Variants in OPN1SW observed in about 807,000 individuals in gnomAD.
OPN1SW encodes opsin 1, short wave sensitive, also known as short-wave-sensitive opsin 1.
A neutral mutation model predicts 31.9 loss-of-function variants in OPN1SW; 25 were observed. That is an observed-to-expected ratio of 0.78 (90% CI 0.57 to 1.09). The LOEUF (loss-of-function observed/expected upper bound fraction) is 1.09, where lower values mean the gene tolerates loss of function less well. OPN1SW is among the 50% of genes least tolerant of loss of function. The pLI is 0.00. For missense variants in OPN1SW, 424 were observed against 448.0 expected (o/e 0.95, Z 0.48); for synonymous variants, 190 against 171.9 (o/e 1.11, Z -0.82).
chr7:128,773,437 A>G (rs1047523811), intron 4 of OPN1SW, among the ~76,000 whole-genome samples: 1 of 152,120 alleles, frequency 6.6e-6, no homozygotes, highest in Non-Finnish European at 1.5e-5. Context: ...TCCTGACTCA[A>G]GTTCTTTCCT....
chr7:128,775,074 A>C lies in OPN1SW; in HGVS notation c.424T>G (p.Phe142Val), dbSNP rs1175041047. 6.2e-7 allele frequency: 1 copy of C among 1,614,246 alleles called. No individual in the cohort carries two copies. Among genetic ancestry groups the C allele is most frequent in the Non-Finnish European group, 8.5e-7 (1 of 1,180,048 alleles). Residue 142 changes from phenylalanine to valine, a missense_variant, in exon 2 of 5, where the codon TTC (phenylalanine) becomes GTC (valine). Phe to Val is a conservative substitution (Grantham distance 50, BLOSUM62 -1). Transcript: ENST00000249389. The stretch of plus-strand genomic sequence containing the variant: ...ACCGTCAGTGCATGCTTGGAGCTGA[A>C]GCGGAAGTTGCCGAAGGGCTTACAG... The part of the protein sequence containing the change: ...VICKPFGNFR[F>V]SSKHALTVVL...
Position 128,773,847 on chromosome 7 carries a change from A to G in OPN1SW, c.720T>C (p.Ala240=), listed in dbSNP as rs1287046056. The stretch of plus-strand genomic sequence containing the variant: ...CCACCATGCGGCTCACCTCCCGTTC[A>G]GCCTTCTGGGTCGTAGCTGACTCCT... The part of the protein sequence containing the change: ...QQQESATTQK[A]EREVSRMVVV... Residue 240 remains alanine, a synonymous_variant, in exon 4 of 5, where the codon GCT becomes GCC. Coordinates refer to ENST00000249389, the MANE Select transcript of OPN1SW (RefSeq NM_001385125.1). The G allele has an allele frequency of 6.2e-7, 1 of 1,613,220 alleles. No individual in the cohort carries two copies. Among genetic ancestry groups the G allele is most frequent in the Admixed American group, 1.7e-5 (1 of 59,994 alleles).
At chr7:128,773,086 T>C (rs1801656055) in intron 4 of OPN1SW, among the ~76,000 whole-genome samples, 1 of 152,226 alleles carries the variant, frequency 6.6e-6, no homozygotes. Flanking sequence ...GTTTGGTGTT[T>C]ATTAGCTCGG....
In OPN1SW at chr7:128,775,135, T is replaced by C; in HGVS notation, c.363A>G (p.Ser121=). The C allele has an allele frequency of 6.2e-7, 1 of 1,614,192 alleles. No homozygotes were observed. The highest frequency in any genetic ancestry group is 1.1e-5 in the South Asian group (1 of 91,082). ...AGCGCTCAAAGGCCAGGAAGGCCAGTGACCATCCTGTAACCAGACCTGTGG... is the reference window on the plus strand; with the variant it reads ...AGCGCTCAAAGGCCAGGAAGGCCAGCGACCATCCTGTAACCAGACCTGTGG... The part of the protein sequence containing the change: ...GTVAGLVTGW[S]LAFLAFERYI... Residue 121 remains serine (S), a synonymous_variant, in exon 2 of 5, where the codon TCA becomes TCG. Transcript: ENST00000249389.
rs770591659 is a variant in OPN1SW at position 128,775,169 on chromosome 7, G to A, written c.344-15C>T. 4 of 1,613,414 alleles carry A rather than the reference G, an allele frequency of 2.5e-6. No homozygotes were observed. In the Admixed American group the frequency reaches 5.0e-5, roughly 20 times the overall value. On this transcript the variant is annotated splice_polypyrimidine_tract_variant and intron_variant, in intron 1 of 4. Transcript: ENST00000249389. ...TGTAACCAGACCTGTGGTGAAATGT[G>A]AGGATAATGGGCTAGACAGAGCCCC...
chr7:128,773,326 G>T (rs911014417), intron 4 of OPN1SW, among the ~76,000 whole-genome samples: 1 of 152,170 alleles, frequency 6.6e-6, no homozygotes. Flanking sequence ...TGCAGGATGT[G>T]CAGGTTTGTT....
At chr7:128,774,159 A>AT (rs1801702528) in intron 3 of OPN1SW, among the ~76,000 whole-genome samples, 1 of 151,952 alleles carries the variant, frequency 6.6e-6, no homozygotes, top group African/African-American at 2.4e-5. Flanking sequence ...GCATTTTGCC[A>AT]TGTAGGCCAG....
In OPN1SW at chr7:128,775,486, A is replaced by T. The variant is rs1413659295; in HGVS notation, c.296T>A (p.Phe99Tyr). ...CTCCAAAGCACAAACATGGCGACCGAAGACGAAGTATCCGTTACAGCTGGC... is the reference window on the plus strand; with the variant it reads ...CTCCAAAGCACAAACATGGCGACCGTAGACGAAGTATCCGTTACAGCTGGC... ...FVASCNGYFV[F>Y]GRHVCALEGF... is the part of the protein sequence containing the mutation. The change falls in exon 1 of 5, where the codon TTC becomes TAC. Residue 99 changes from phenylalanine (F) to tyrosine (Y), a missense_variant. Phe to Tyr is a conservative substitution (Grantham distance 22, BLOSUM62 3). Coordinates refer to ENST00000249389, the MANE Select transcript of OPN1SW (RefSeq NM_001385125.1). 1 of 1,613,962 alleles carries T rather than the reference A, an allele frequency of 6.2e-7. No individual in the cohort carries two copies. The highest frequency in any genetic ancestry group is 1.1e-5 in the South Asian group (1 of 91,076).
At chr7:128,774,361 C>T in intron 3 of OPN1SW, 137 bp downstream of exon 3, 1 of 1,192,022 alleles carries the variant, frequency 8.4e-7, no homozygotes, top group African/African-American at 1.5e-5. Flanking sequence ...ATCATTCTCC[C>T]TCCTCCTACT....
rs1354062342 is a variant in OPN1SW at position 128,773,549 on chromosome 7, A to G, written c.918+100T>C. ...GGTTTTGTGGCTTCCCTCGTCTACT[A>G]GAAACCTGGGTAGAGTCCAGGGTGC... On this transcript the variant is annotated intron_variant, in intron 4 of 4. Transcript: ENST00000249389. 6.5e-6 allele frequency: 10 copies of G among 1,538,902 alleles called. No individual in the cohort carries two copies. The African/African-American group carries it at 1.2e-4, about 19-fold the overall frequency.
chr7:128,774,457 G>A (rs749133939), intron 3 of OPN1SW, 41 bp downstream of exon 3: 3 of 1,610,524 alleles, frequency 1.9e-6, no homozygotes, highest in Non-Finnish European at 2.5e-6. Flanking sequence ...CTCATGTGGA[G>A]CCCCGAACCC....
intron 3 of OPN1SW, 94 bp downstream of exon 3, chr7:128,774,404 A>T: frequency 6.6e-7 from 1 of 1,512,626 alleles, no homozygotes; most frequent in South Asian, 1.1e-5. Context: ...CTCTCTGGCT[A>T]TGGACATTTC....
intron 1 of OPN1SW, 125 bp downstream of exon 1, chr7:128,775,314 G>T: frequency 7.8e-7 from 1 of 1,289,906 alleles, no homozygotes; most frequent in Non-Finnish European, 1.1e-6. Flanking sequence ...TTCTAGTCTG[G>T]GTTGCTTTGT....
rs1474149913 is a variant in OPN1SW at position 128,775,702 on chromosome 7, G to A, written c.80C>T (p.Pro27Leu). 3.7e-6 allele frequency: 6 copies of A among 1,614,032 alleles called. No homozygotes were observed. The South Asian group carries it at 6.6e-5, about 18-fold the overall frequency. Residue 27 changes from proline (P) to leucine (L), a missense_variant, in exon 1 of 5, where the codon CCT (proline) becomes CTT (leucine). Physicochemically the swap from Pro to Leu is moderately conservative, Grantham distance 98. Transcript: ENST00000249389. ...PWDGPQYHIA[P>L]VWAFYLQAAF... The stretch of plus-strand genomic sequence containing the variant: ...TGCCTGGAGGTAGAAGGCCCAGACA[G>A]GGGCAATGTGGTACTGAGGCCCATC...
intron 1 of OPN1SW, 96 bp from the exon 2 acceptor site, chr7:128,775,250 CAG>C: frequency 7.2e-7 from 1 of 1,390,780 alleles, no homozygotes; most frequent in Non-Finnish European, 1.0e-6. Flanking sequence ...CACAGAGAGA[CAG>C]GGCTGGACTG....
rs535306956 is a variant in OPN1SW, at chr7:128,775,646, A to C, written c.136T>G (p.Phe46Val). 104 of 1,614,098 alleles carry C rather than the reference A, an allele frequency of 6.4e-5. 1 individual carries two copies. In the South Asian group the frequency reaches 1.1e-3, roughly 17 times the overall value. Residue 46 changes from phenylalanine (F) to valine (V), a missense_variant, in exon 1 of 5, where the codon TTC becomes GTC. Coordinates refer to ENST00000249389, the MANE Select transcript of OPN1SW (RefSeq NM_001385125.1). ...AFMGTVFLIG[F>V]PLNAMVLVAT... Reference sequence around the variant, plus strand: ...ACCAGCACCATGGCATTGAGTGGGAACCCTATAAGGAAGACAGTGCCCATG... The same window carrying C: ...ACCAGCACCATGGCATTGAGTGGGACCCCTATAAGGAAGACAGTGCCCATG...
In OPN1SW at chr7:128,773,855, G is replaced by A; in HGVS notation, c.712C>T (p.Gln238Ter). The A allele has an allele frequency of 1.2e-6, 2 of 1,613,078 alleles. No homozygotes were observed. Among genetic ancestry groups the A allele is most frequent in the Non-Finnish European group, 8.5e-7 (1 of 1,180,026 alleles). The change falls in exon 4 of 5, where the codon CAG becomes TAG. Residue 238 changes from glutamine to a stop codon, truncating the protein, a stop_gained. Transcript: ENST00000249389. LOFTEE classifies it high-confidence loss of function. ...AAQQQESATTQKAEREVSRMV... is the reference protein window; with the variant it reads ...AAQQQESATT ...CGGCTCACCTCCCGTTCAGCCTTCT[G>A]GGTCGTAGCTGACTCCTGCTGCTGA...
rs200180187 is a variant in OPN1SW, at chr7:128,774,580, C to G, written c.596G>C (p.Trp199Ser). Residue 199 changes from tryptophan to serine, a missense_variant, in exon 3 of 5, where the codon TGG (tryptophan) becomes TCG (serine). Coordinates refer to ENST00000249389, the MANE Select transcript of OPN1SW (RefSeq NM_001385125.1). ...GTKYRSESYT[W>S]FLFIFCFIVP... is the part of the protein sequence containing the mutation. ...AATGAAGCAGAAGATGAAGAGGAAC[C>G]ACGTATAGGACTCGCTGCGGTATTT... 1.2e-6 allele frequency: 2 copies of G among 1,613,978 alleles called. No homozygotes were observed. The highest frequency in any genetic ancestry group is 1.7e-6 in the Non-Finnish European group (2 of 1,180,032).
rs769004186 is a variant in OPN1SW at position 128,775,052 on chromosome 7, G to C, written c.446C>G (p.Thr149Arg). 66 of 1,614,090 alleles carry C rather than the reference G, an allele frequency of 4.1e-5. No individual in the cohort carries two copies. Among genetic ancestry groups the C allele is most frequent in the Non-Finnish European group, 5.3e-5 (63 of 1,180,046 alleles). ...NFRFSSKHALTVVLATWTIGI... is the reference protein window; with the variant it reads ...NFRFSSKHALRVVLATWTIGI... Reference sequence around the variant, plus strand: ...AATGGTCCAGGTAGCCAGGACCACCGTCAGTGCATGCTTGGAGCTGAAGCG... The same window carrying C: ...AATGGTCCAGGTAGCCAGGACCACCCTCAGTGCATGCTTGGAGCTGAAGCG... The change falls in exon 2 of 5, where the codon ACG (threonine) becomes AGG (arginine). Residue 149 changes from threonine (T) to arginine (R), a missense_variant. Physicochemically the swap from Thr to Arg is moderately conservative, Grantham distance 71 (BLOSUM62 -1). Coordinates refer to ENST00000249389, the MANE Select transcript of OPN1SW (RefSeq NM_001385125.1).
Sources: allele counts gnomAD v4.1 joint callset (sites outside exome capture counted in the v4.1 genomes callset), GRCh38; gene constraint gnomAD v4.1.1; transcripts MANE v1.5; gene names NCBI Gene and HGNC (gene_info 2026-07-23, HGNC 2026-07-21).